Variants in MBNL1 observed in about 807,000 individuals in gnomAD.
MBNL1 encodes muscleblind-like protein 1.
In MBNL1, 8 loss-of-function variants were observed where a neutral mutation model predicts 42.2. The observed-to-expected ratio is 0.19, with a 90% CI of 0.11 to 0.34. The LOEUF is 0.34. Ranked by LOEUF, MBNL1 falls within the 10% of genes least tolerant of loss-of-function variation. MBNL1 has a pLI of 1.00. For synonymous variants in MBNL1, 169 were observed against 173.9 expected (o/e 0.97, Z 0.22); for missense variants, 309 against 495.3 (o/e 0.62, Z 3.57).
intron 1 of MBNL1, among the ~76,000 whole-genome samples, chr3:152,297,387 G>T (rs1410752381): frequency 5.0e-5 from 7 of 140,624 alleles, no homozygotes; most frequent in African/African-American, 1.9e-4. Flanking sequence ...ACTGTCTTCC[G>T]GCCTGGAGTG....
chr3:152,274,073 C>T (rs1349800650), intron 1 of MBNL1, among the ~76,000 whole-genome samples: 1 of 152,144 alleles, frequency 6.6e-6, no homozygotes, highest in African/African-American at 2.4e-5. Flanking sequence ...TAGCTAAATT[C>T]ACAAAATGAA....
intron 2 of MBNL1, among the ~76,000 whole-genome samples, chr3:152,315,892 C>G (rs1358820852): frequency 6.6e-6 from 1 of 150,964 alleles, no homozygotes; most frequent in Non-Finnish European, 1.5e-5. Flanking sequence ...TCTCTCACTC[C>G]TCTCTCTCTC....
chr3:152,253,201 C>G (rs1057126513), intron 2 of MBNL1, among the ~76,000 whole-genome samples: 9 of 152,074 alleles, frequency 5.9e-5, no homozygotes, highest in Non-Finnish European at 1.2e-4. Context: ...TCATTTCCTA[C>G]CCCTCTGTCT....
intron 8 of MBNL1, chr3:152,458,091 C>T (rs773060762): frequency 6.8e-5 from 107 of 1,580,544 alleles, no homozygotes; most frequent in Non-Finnish European, 8.7e-5. Context: ...CCTTCATCTG[C>T]ATCGATTGGT....
chr3:152,292,840 C>T (rs1044860436), intron 1 of MBNL1, among the ~76,000 whole-genome samples: 8 of 151,380 alleles, frequency 5.3e-5, no homozygotes, highest in African/African-American at 1.7e-4. Flanking sequence ...GTGATCATGG[C>T]TTACTGCAGC....
At chr3:152,409,691 A>G (rs1362007642) in intron 2 of MBNL1, among the ~76,000 whole-genome samples, 1 of 152,222 alleles carries the variant, frequency 6.6e-6, no homozygotes. Context: ...ACTTATGAAT[A>G]TAAGCTAGTA....
chr3:152,379,910 T>G (rs1042333278), intron 2 of MBNL1, among the ~76,000 whole-genome samples: 2 of 152,114 alleles, frequency 1.3e-5, no homozygotes, highest in Non-Finnish European at 2.9e-5. Context: ...GTTTATACTA[T>G]AAGGCAATTA....
chr3:152,327,785 A>G (rs1435540780), intron 2 of MBNL1, among the ~76,000 whole-genome samples: 3 of 151,784 alleles, frequency 2.0e-5, no homozygotes, highest in Non-Finnish European at 4.4e-5. Context: ...TTCTATATAT[A>G]TATATGCTAC....
chr3:152,258,716 G>A (rs966099597), intron 2 of MBNL1, among the ~76,000 whole-genome samples: 1 of 152,200 alleles, frequency 6.6e-6, no homozygotes. Flanking sequence ...GAGTAATCTA[G>A]TCATAAACAA....
At chr3:152,407,206 G>GTTTTTT (rs1474918098) in intron 2 of MBNL1, among the ~76,000 whole-genome samples, 1 of 76,532 alleles carries the variant, frequency 1.3e-5, no homozygotes, top group Non-Finnish European at 2.6e-5. Context: ...GTGGAAATAT[G>GTTTTTT]TTCTTTTTTT....
intron 2 of MBNL1, among the ~76,000 whole-genome samples, chr3:152,355,059 C>T (rs1457466906): frequency 6.6e-6 from 1 of 152,100 alleles, no homozygotes; most frequent in African/African-American, 2.4e-5. Context: ...TCCTCCAGAG[C>T]TTGGCATTTT....
At chr3:152,347,843 C>G (rs911940572) in intron 2 of MBNL1, among the ~76,000 whole-genome samples, 2 of 152,002 alleles carry the variant, frequency 1.3e-5, no homozygotes, top group Admixed American at 1.3e-4. Flanking sequence ...ATCTGAAAAG[C>G]AATATAAATG....
At chr3:152,410,141 TATGTA>T (rs1354593097) in intron 2 of MBNL1, among the ~76,000 whole-genome samples, 8 of 152,158 alleles carry the variant, frequency 5.3e-5, no homozygotes, top group South Asian at 2.1e-4. Context: ...TATTTGTACA[TATGTA>T]ATGTAAAGGT....
At position 152,452,245 on chromosome 3, in the gene MBNL1, C is replaced by A. The variant is rs143500311; in HGVS notation, c.962-3297C>A. 3.1e-4 allele frequency among the ~76,000 whole-genome samples: 47 copies of A among 152,300 alleles called. No individual in the cohort carries two copies. In the East Asian group the frequency reaches 8.1e-3, roughly 26 times the overall value. On this transcript the variant is annotated intron_variant, in intron 6 of 9. Transcript: ENST00000324210. ...TATTTATGTTATATATATGAGTTTT[C>A]ACTCATGAAATTACGGCGTGTAAGA...
chr3:152,265,394 G>GTGTGTA (rs1417071553), upstream of MBNL1: 17 of 145,818 alleles, frequency 1.2e-4, no homozygotes, highest in African/African-American at 3.8e-4. Flanking sequence ...GAGAGTGTGT[G>GTGTGTA]TGTGTGTGTG....
At chr3:152,346,139 A>C (rs556456820) in intron 2 of MBNL1, among the ~76,000 whole-genome samples, 1 of 152,238 alleles carries the variant, frequency 6.6e-6, no homozygotes, top group South Asian at 2.1e-4. Flanking sequence ...ATGTGGCAGG[A>C]TGGGGTCCAA....
intron 4 of MBNL1, among the ~76,000 whole-genome samples, chr3:152,437,718 TACTG>T (rs923800599): frequency 1.7e-4 from 26 of 152,122 alleles, no homozygotes; most frequent in Admixed American, 8.5e-4. Context: ...ATCCTTTCTT[TACTG>T]ACTATCTTTT....
intron 2 of MBNL1, among the ~76,000 whole-genome samples, chr3:152,302,612 CAT>C (rs920172966): frequency 6.6e-6 from 1 of 152,098 alleles, no homozygotes; most frequent in African/African-American, 2.4e-5. Flanking sequence ...AGATCAAAAA[CAT>C]ATTTTAAAAC....
intron 1 of MBNL1, among the ~76,000 whole-genome samples, chr3:152,289,596 A>G (rs2054655373): frequency 6.6e-6 from 1 of 152,090 alleles, no homozygotes; most frequent in African/African-American, 2.4e-5. Context: ...TTTTGAAAAA[A>G]AGTCAAGTTA....
Sources: allele counts gnomAD v4.1 joint callset (sites outside exome capture counted in the v4.1 genomes callset), GRCh38; gene constraint gnomAD v4.1.1; transcripts MANE v1.5; gene names NCBI Gene and HGNC (gene_info 2026-07-23, HGNC 2026-07-21).